ADARB2: variants seen among roughly 807,000 people sequenced by gnomAD.
ADARB2 encodes inactive double-stranded RNA-specific editase B2.
Under a neutral mutation model 62.2 loss-of-function variants are expected in ADARB2, and 25 were observed. The observed-to-expected ratio is 0.40, with a 90% CI of 0.29 to 0.56. The LOEUF is 0.56. Ranked by LOEUF, ADARB2 falls within the 20% of genes least tolerant of loss-of-function variation. The pLI is 0.43. For synonymous variants in ADARB2, 572 were observed against 500.8 expected (o/e 1.14, Z -1.90); for missense variants, 1,071 against 1,077.4 (o/e 0.99, Z 0.08).
intron 1 of ADARB2, among the ~76,000 whole-genome samples, chr10:1,683,194 G>A (rs898625230): frequency 2.0e-5 from 3 of 152,122 alleles, no homozygotes; most frequent in Non-Finnish European, 2.9e-5. Context: ...CATTCCTACC[G>A]AGATAGGTCT....
chr10:1,555,457 T>C (rs1261727838), intron 1 of ADARB2, among the ~76,000 whole-genome samples: 1 of 152,116 alleles, frequency 6.6e-6, no homozygotes, highest in Non-Finnish European at 1.5e-5. Context: ...GTAAGAGAAG[T>C]GGGGGCTAAT....
chr10:1,441,869 T>G (rs961049445), intron 1 of ADARB2, among the ~76,000 whole-genome samples: 3 of 152,212 alleles, frequency 2.0e-5, no homozygotes, highest in Non-Finnish European at 4.4e-5. Context: ...TATTCTGAAT[T>G]CTCTCCTTAT....
At chr10:1,349,376 T>A (rs1007256628) in intron 3 of ADARB2, among the ~76,000 whole-genome samples, 2 of 152,130 alleles carry the variant, frequency 1.3e-5, no homozygotes, top group African/African-American at 2.4e-5. Flanking sequence ...GCCATGTTGC[T>A]CCCACAAAGC....
intron 1 of ADARB2, among the ~76,000 whole-genome samples, chr10:1,627,088 A>G (rs1365078046): frequency 1.3e-5 from 2 of 152,016 alleles, no homozygotes; most frequent in Non-Finnish European, 2.9e-5. Flanking sequence ...CCACAGGCTC[A>G]CACATCAGTC....
At chr10:1,317,189 G>T (rs1831747420) in intron 3 of ADARB2, among the ~76,000 whole-genome samples, 1 of 152,132 alleles carries the variant, frequency 6.6e-6, no homozygotes, top group African/African-American at 2.4e-5. Context: ...TCCCTCACTT[G>T]TGCTTAAAGT....
Position 1,233,774 on chromosome 10 carries a change from T to C in ADARB2, c.1433A>G (p.Asn478Ser). The C allele has an allele frequency of 6.2e-7, 1 of 1,613,928 alleles. No individual in the cohort carries two copies. The highest frequency in any genetic ancestry group is 8.5e-7 in the Non-Finnish European group (1 of 1,179,976). Residue 478 changes from asparagine (N) to serine (S), a missense_variant, in exon 6 of 10, where the codon AAC (asparagine) becomes AGC (serine). Transcript: ENST00000381312. ...GCTCACGTAGAGATGGAAGAGGATG[T>C]TCTCTCGCAGCCGGTAGCCACCTTC... Reference protein sequence around the residue: ...LKEGGYRLRENILFHLYVSTS... With the variant: ...LKEGGYRLRESILFHLYVSTS...
chr10:1,314,255 T>C (rs1831717474), intron 3 of ADARB2, among the ~76,000 whole-genome samples: 1 of 152,190 alleles, frequency 6.6e-6, no homozygotes, highest in East Asian at 1.9e-4. Context: ...GAGGTTTCTC[T>C]GCAGCCGCCT....
At chr10:1,678,823 C>G (rs539002535) in intron 1 of ADARB2, among the ~76,000 whole-genome samples, 1 of 152,108 alleles carries the variant, frequency 6.6e-6, no homozygotes, top group East Asian at 1.9e-4. Flanking sequence ...TCCACCAAGC[C>G]CCCTCTCCCG....
intron 1 of ADARB2, among the ~76,000 whole-genome samples, chr10:1,487,978 A>C (rs1407187509): frequency 6.6e-6 from 1 of 152,248 alleles, no homozygotes; most frequent in Non-Finnish European, 1.5e-5. Flanking sequence ...TTTCCATTGT[A>C]CTAATTTAAA....
chr10:1,196,094 C>T (rs1163889097), intron 8 of ADARB2, among the ~76,000 whole-genome samples: 1 of 152,162 alleles, frequency 6.6e-6, no homozygotes, highest in African/African-American at 2.4e-5. Context: ...GAGCCCTTCT[C>T]CCAGCTCCAT....
chr10:1,593,942 C>T (rs182733561), intron 1 of ADARB2, among the ~76,000 whole-genome samples: 44 of 152,248 alleles, frequency 2.9e-4, no homozygotes, highest in African/African-American at 1.1e-3. Flanking sequence ...AGCTGCAGGA[C>T]CCATAAGAGC....
At chr10:1,452,788 T>G (rs558250301) in intron 1 of ADARB2, among the ~76,000 whole-genome samples, 1 of 146,424 alleles carries the variant, frequency 6.8e-6, no homozygotes, top group East Asian at 2.0e-4. Context: ...ACCCCAGAAC[T>G]TAAAGTATAA....
At chr10:1,350,006 T>A (rs543214538) in intron 3 of ADARB2, among the ~76,000 whole-genome samples, 1 of 152,232 alleles carries the variant, frequency 6.6e-6, no homozygotes, top group Admixed American at 6.5e-5. Context: ...CCATTCCTCC[T>A]TCTTCTCCCT....
At chr10:1,520,523 A>G (rs1832060636) in intron 1 of ADARB2, among the ~76,000 whole-genome samples, 1 of 152,266 alleles carries the variant, frequency 6.6e-6, no homozygotes. Context: ...AGACTTTCCC[A>G]TCTGACATCT....
chr10:1,655,799 G>A (rs759810927), intron 1 of ADARB2, among the ~76,000 whole-genome samples: 1 of 152,228 alleles, frequency 6.6e-6, no homozygotes, highest in Non-Finnish European at 1.5e-5. Context: ...GCGAGGTTTT[G>A]AGTATTTTCA....
intron 3 of ADARB2, among the ~76,000 whole-genome samples, chr10:1,351,801 A>G (rs1367423763): frequency 6.6e-6 from 1 of 151,726 alleles, no homozygotes; most frequent in Non-Finnish European, 1.5e-5. Context: ...AAAGCCTATA[A>G]CCTCCCCTTA....
At position 1,255,807 on chromosome 10, in the gene ADARB2, T is replaced by C. The variant is rs1429963353; in HGVS notation, c.1193-13508A>G. Among the ~76,000 whole-genome samples the C allele has an allele frequency of 2.0e-5, 3 of 152,152 alleles. No homozygotes were observed. Among genetic ancestry groups the C allele is most frequent in the African/African-American group, 4.8e-5 (2 of 41,434 alleles). On this transcript the variant is annotated intron_variant, in intron 4 of 9. Transcript: ENST00000381312. This position sits in a 1 kb window ranked among gnomAD's most constrained non-coding sequence, Gnocchi z 4.7. The stretch of plus-strand genomic sequence containing the variant: ...AGGTCACACGTGTGTCTGTGACTCA[T>C]GGTGGGTCAAACACACTATAGCCCC...
intron 3 of ADARB2, among the ~76,000 whole-genome samples, chr10:1,332,073 G>A (rs771787686): frequency 2.4e-4 from 37 of 152,202 alleles, no homozygotes; most frequent in African/African-American, 5.3e-4. Flanking sequence ...ATATTCATCC[G>A]AAGAAGTCGA....
At chr10:1,335,569 G>A (rs537970281) in intron 3 of ADARB2, among the ~76,000 whole-genome samples, 71 of 152,184 alleles carry the variant, frequency 4.7e-4, no homozygotes, top group African/African-American at 1.6e-3. Flanking sequence ...GTGGAAAGAT[G>A]GATAAGGGAT....
Sources: gnomAD v4.1 joint callset for allele counts (sites outside exome capture counted in the v4.1 genomes callset) on GRCh38, gnomAD v4.1.1 for gene constraint, Gnocchi (gnomAD v3.1) non-coding constraint, MANE v1.5 for transcripts, NCBI Gene and HGNC (gene_info 2026-07-23, HGNC 2026-07-21) for gene names.